GOSR2: variants seen among roughly 807,000 people sequenced by gnomAD.
The protein encoded by GOSR2 is 27 kDa Golgi SNARE protein.
In GOSR2, 20 loss-of-function variants were observed where a neutral mutation model predicts 27.9. The ratio of observed to expected loss-of-function variants is 0.72; its 90% confidence interval spans 0.50 to 1.04. The LOEUF is 1.04. Ranked by LOEUF, GOSR2 falls within the 50% of genes least tolerant of loss-of-function variation. GOSR2 has a pLI of 0.00. For missense variants in GOSR2, 261 were observed against 270.5 expected (o/e 0.97, Z 0.25); for synonymous variants, 91 against 98.8 (o/e 0.92, Z 0.47).
intron 6 of GOSR2, among the ~76,000 whole-genome samples, chr17:46,952,338 A>C (rs983069979): frequency 6.6e-6 from 1 of 152,230 alleles, no homozygotes; most frequent in Non-Finnish European, 1.5e-5. Flanking sequence ...GGGTGACCAC[A>C]TGACTGCGCG....
At chr17:46,956,851 G>C (rs1441365588) in intron 6 of GOSR2, among the ~76,000 whole-genome samples, 1 of 152,176 alleles carries the variant, frequency 6.6e-6, no homozygotes, top group Non-Finnish European at 1.5e-5. Context: ...CTAAATCCTT[G>C]AAAGAGCAGC....
chr17:46,974,518 A>G (rs2091426386), intron 6 of GOSR2, among the ~76,000 whole-genome samples: 1 of 152,130 alleles, frequency 6.6e-6, no homozygotes, highest in Non-Finnish European at 1.5e-5. Context: ...GTGGATCACA[A>G]GGTCAGGAGA....
chr17:46,947,657 T>C (rs2090014387), intron 6 of GOSR2, among the ~76,000 whole-genome samples: 1 of 152,202 alleles, frequency 6.6e-6, no homozygotes, highest in African/African-American at 2.4e-5. Flanking sequence ...CAGCCTGACC[T>C]TGGGCTAATC....
downstream of GOSR2, among the ~76,000 whole-genome samples, chr17:46,946,804 A>G (rs1273061901): frequency 6.6e-6 from 1 of 152,268 alleles, no homozygotes; most frequent in Admixed American, 6.5e-5. Flanking sequence ...CAGAGGTTGC[A>G]GTGAGCCGAC....
chr17:46,926,412 A>G (rs2086506057), intron 1 of GOSR2, among the ~76,000 whole-genome samples: 1 of 152,150 alleles, frequency 6.6e-6, no homozygotes, highest in African/African-American at 2.4e-5. Context: ...TTTAAAAAGC[A>G]CTTCCATTAA....
chr17:46,924,402 A>C (rs2086182786), intron 1 of GOSR2: 1 of 152,256 alleles, frequency 6.6e-6, no homozygotes, highest in African/African-American at 2.4e-5. Flanking sequence ...TGGGCTGTTG[A>C]GAATAATACT....
chr17:46,970,854 C>T (rs1257359620), downstream of GOSR2, among the ~76,000 whole-genome samples: 4 of 152,170 alleles, frequency 2.6e-5, no homozygotes, highest in African/African-American at 7.2e-5. Context: ...AACAGTATCA[C>T]GGTATACGTT....
intron 6 of GOSR2, among the ~76,000 whole-genome samples, chr17:46,947,694 T>A (rs1365293653): frequency 6.6e-6 from 1 of 152,214 alleles, no homozygotes; most frequent in Admixed American, 6.5e-5. Flanking sequence ...CCTGTCTGTA[T>A]AGTGAGAATA....
downstream of GOSR2, chr17:46,942,054 G>A: frequency 5.2e-6 from 3 of 581,616 alleles, no homozygotes; most frequent in Non-Finnish European, 6.5e-6. Flanking sequence ...GAGACTTTGA[G>A]GAAATAACTG....
chr17:46,967,942 C>T (rs1211582671), downstream of GOSR2, among the ~76,000 whole-genome samples: 1 of 152,180 alleles, frequency 6.6e-6, no homozygotes, highest in Non-Finnish European at 1.5e-5. Context: ...CAGAATCCGA[C>T]AGGCTTGGTG....
At chr17:46,945,945 A>T (rs1413802643), downstream of GOSR2, among the ~76,000 whole-genome samples, 1 of 152,088 alleles carries the variant, frequency 6.6e-6, no homozygotes. Flanking sequence ...GTCCATGGTG[A>T]TTTCTTCCAG....
chr17:46,936,703 A>G lies in GOSR2; in HGVS notation c.477+1534A>G, dbSNP rs2088435161. The G allele has an allele frequency of 7.1e-6, 7 of 985,152 alleles. No individual in the cohort carries two copies. The South Asian group carries it at 3.3e-4, about 46-fold the overall frequency. The allele number at this position is 985,152 out of a possible 1,614,324, so 61.0% of individuals were successfully genotyped here. On this transcript the variant is annotated intron_variant, in intron 5 of 5. Transcript: ENST00000640051. The stretch of plus-strand genomic sequence containing the variant: ...TTAGAAGGTTGATCCTTAGCCTCAT[A>G]CAGTGATGAAATAATCTGTGTGTTC...
rs1054117411 is a variant in GOSR2 at position 46,932,594 on chromosome 17, C to T, written c.336+395C>T. ...TGCCTGCGGGCAGTTGCCATTGTGC[C>T]GAGTATGTGTGTGGCTCCAGTGTCA... On this transcript the variant is annotated intron_variant, in intron 4 of 5. Coordinates refer to ENST00000640051, the MANE Select transcript of GOSR2 (RefSeq NM_004287.5). 5 of 428,054 alleles carry T rather than the reference C, an allele frequency of 1.2e-5. No homozygotes were observed. The Admixed American group carries it at 1.2e-4, about 11-fold the overall frequency. 26.5% of individuals were successfully genotyped at this position (428,054 alleles called of 1,614,324 possible).
At chr17:46,931,056 C>T (rs772534297) in intron 2 of GOSR2, 43 bp from the exon 3 acceptor site, 1 of 1,019,810 alleles carries the variant, frequency 9.8e-7, no homozygotes, top group Admixed American at 1.7e-5. Flanking sequence ...TTTAAGTTCA[C>T]TATCTCTTTT....
chr17:46,927,903 C>A (rs560950794), intron 1 of GOSR2, among the ~76,000 whole-genome samples: 7 of 152,160 alleles, frequency 4.6e-5, no homozygotes, highest in Middle Eastern at 6.8e-3. Context: ...TCAGATTTTT[C>A]TGTTAAATCA....
rs572780106 is a variant in GOSR2, at chr17:46,951,222, G to A, written c.583+12518G>A. Among the ~76,000 whole-genome samples the A allele has an allele frequency of 1.7e-4, 26 of 152,326 alleles. No individual in the cohort carries two copies. The South Asian group carries it at 2.3e-3, about 13-fold the overall frequency. ...AGACAGAGGTGGACGCAGCCCACAG[G>A]CTTGGCTGGAACGGCGGGTTCCAGA... On this transcript the variant is annotated intron_variant, in intron 6 of 6. Coordinates refer to the GOSR2 transcript ENST00000573224.
chr17:46,939,212 C>T lies in GOSR2; in HGVS notation c.*452C>T. The T allele has an allele frequency of 1.9e-6, 2 of 1,078,778 alleles. No homozygotes were observed. Among genetic ancestry groups the T allele is most frequent in the Non-Finnish European group, 1.1e-6 (1 of 883,000 alleles). 66.8% of individuals were successfully genotyped at this position (1,078,778 alleles called of 1,614,324 possible). ...AAGGAAAGAGGCCTTTTCTCACAGC[C>T]ATTATATTAAATAGTAGGTCGATTC... On this transcript the variant is annotated 3_prime_UTR_variant, in exon 6 of 6. Coordinates refer to ENST00000640051, the MANE Select transcript of GOSR2 (RefSeq NM_004287.5).
intron 6 of GOSR2, chr17:46,965,066 A>G (rs1043892007): frequency 1.3e-5 from 2 of 152,190 alleles, no homozygotes. Flanking sequence ...TGGCCCAGAC[A>G]TGTATCCCAG....
At chr17:46,971,425 G>C (rs374305663), downstream of GOSR2, among the ~76,000 whole-genome samples, 1 of 152,240 alleles carries the variant, frequency 6.6e-6, no homozygotes, top group Non-Finnish European at 1.5e-5. Flanking sequence ...TGATAGTCAA[G>C]GTCCTGGCAT....
Sources: gnomAD v4.1 joint callset for allele counts (sites outside exome capture counted in the v4.1 genomes callset) on GRCh38, gnomAD v4.1.1 for gene constraint, MANE v1.5 for transcripts, NCBI Gene and HGNC (gene_info 2026-07-23, HGNC 2026-07-21) for gene names.